Variants in PUDP observed in about 807,000 individuals in gnomAD.
The protein encoded by PUDP is pseudouridine 5'-phosphatase.
In PUDP, 8 loss-of-function variants were observed where a neutral mutation model predicts 9.4. The observed-to-expected ratio is 0.85, with a 90% CI of 0.50 to 1.53. The LOEUF (loss-of-function observed/expected upper bound fraction) is 1.53, where lower values mean the gene tolerates loss of function less well. Among genes scored for constraint, PUDP ranks in the 40% most tolerant of loss-of-function variants. PUDP has a pLI of 0.00. For synonymous variants in PUDP, 99 were observed against 80.7 expected, an observed-to-expected ratio of 1.23 and a Z score of -1.22; for missense variants, 188 against 189.7, an observed-to-expected ratio of 0.99 and a Z score of 0.05.
chrX:6,822,695 T>G (rs1205968232), intron 3 of PUDP, among the ~76,000 whole-genome samples: 11 of 109,974 alleles, frequency 1.0e-4, no homozygotes, highest in South Asian at 3.9e-4. Context: ...AAAGTGTTTT[T>G]TTTTTTTTTT....
At chrX:7,129,563 T>C (rs1290068995) in intron 1 of PUDP, among the ~76,000 whole-genome samples, 1 of 112,163 alleles carries the variant, frequency 8.9e-6, no homozygotes, top group South Asian at 3.7e-4. Context: ...TCTCTGTCTT[T>C]GAGCCCTGAG....
At chrX:6,884,099 C>T (rs1048544057) in intron 3 of PUDP, among the ~76,000 whole-genome samples, 1 of 112,172 alleles carries the variant, frequency 8.9e-6, no homozygotes, top group African/African-American at 3.2e-5. Context: ...CTCAGCCTCC[C>T]AAAGTGCTGG....
intron 3 of PUDP, among the ~76,000 whole-genome samples, chrX:7,066,983 A>G (rs1165865954): frequency 1.8e-5 from 2 of 111,893 alleles, no homozygotes; most frequent in African/African-American, 6.5e-5. Context: ...TTAAAAGGGA[A>G]ATAGTGGACC....
chrX:7,126,502 CTTGCAATTCTGGAGGCTGGAAGTCTAA>C (rs1932490582), intron 1 of PUDP, among the ~76,000 whole-genome samples: 1 of 112,038 alleles, frequency 8.9e-6, no homozygotes, highest in South Asian at 3.7e-4. Context: ...AATTAATTTT[CTTGCAATTCTGGAGGCTGGAAGTCTAA>C]GATCAGAGTC....
intron 3 of PUDP, among the ~76,000 whole-genome samples, chrX:6,823,617 C>T (rs1926379923): frequency 8.9e-6 from 1 of 112,292 alleles, no homozygotes; most frequent in Non-Finnish European, 1.9e-5. Context: ...TCAGGGCAAG[C>T]CCATAGAGTA....
intron 2 of PUDP, among the ~76,000 whole-genome samples, chrX:7,080,122 C>T: frequency 8.9e-6 from 1 of 111,939 alleles, no homozygotes; most frequent in South Asian, 3.7e-4. Context: ...AATGTACTAA[C>T]ATTAGCAGGG....
chrX:6,891,006 A>G (rs890549839), intron 3 of PUDP, among the ~76,000 whole-genome samples: 1 of 105,734 alleles, frequency 9.5e-6, no homozygotes, highest in Non-Finnish European at 1.9e-5. Context: ...TATCCTAGCT[A>G]CTCAGGAGGT....
At chrX:6,824,061 C>T (rs1926387336) in intron 3 of PUDP, among the ~76,000 whole-genome samples, 1 of 109,393 alleles carries the variant, frequency 9.1e-6, no homozygotes, top group African/African-American at 3.3e-5. Context: ...ACATAAATCT[C>T]ATCTTGAATA....
chrX:7,028,934 TC>T (rs1166316930), intron 1 of PUDP, among the ~76,000 whole-genome samples: 2 of 111,303 alleles, frequency 1.8e-5, no homozygotes, highest in Non-Finnish European at 3.8e-5. Context: ...CACATGGTGT[TC>T]CCTCTCTGTG....
intron 3 of PUDP, among the ~76,000 whole-genome samples, chrX:6,934,132 C>T (rs1435765242): frequency 2.9e-5 from 3 of 104,693 alleles, no homozygotes; most frequent in Non-Finnish European, 3.9e-5. Context: ...ATACAGAGAA[C>T]GCCACAAAGA....
chrX:7,031,515 C>T (rs1452391303), intron 1 of PUDP, among the ~76,000 whole-genome samples: 1 of 111,990 alleles, frequency 8.9e-6, no homozygotes, highest in Non-Finnish European at 1.9e-5. Context: ...TTTAAAGCCA[C>T]AAGGACAGCC....
chrX:6,864,575 C>T (rs1927050877), intron 3 of PUDP, among the ~76,000 whole-genome samples: 1 of 111,662 alleles, frequency 9.0e-6, no homozygotes, highest in South Asian at 3.8e-4. Context: ...ATTTCTCATC[C>T]CACAGTTCTG....
intron 1 of PUDP, among the ~76,000 whole-genome samples, chrX:7,020,581 C>T (rs186311850): frequency 6.3e-5 from 7 of 111,664 alleles, no homozygotes; most frequent in East Asian, 2.8e-4. Context: ...CTGTAATACA[C>T]GCACAACCAC....
chrX:6,706,176 A>C (rs1275274240), intron 2 of PUDP, among the ~76,000 whole-genome samples: 2 of 112,533 alleles, frequency 1.8e-5, no homozygotes, highest in Non-Finnish European at 3.7e-5. Flanking sequence ...GGGCTGGGGA[A>C]GTGGGAAAGG....
At chrX:7,122,378 G>A (rs181778748) in intron 1 of PUDP, among the ~76,000 whole-genome samples, 4 of 111,521 alleles carry the variant, frequency 3.6e-5, no homozygotes, top group Non-Finnish European at 7.5e-5. Context: ...TAGATGACCA[G>A]TGCAAAAAGA....
chrX:6,918,995 T>C (rs1927977736), intron 3 of PUDP, among the ~76,000 whole-genome samples: 1 of 112,239 alleles, frequency 8.9e-6, no homozygotes, highest in South Asian at 3.7e-4. Flanking sequence ...CGTTCATGTC[T>C]CCATTAATTC....
chrX:7,072,826 A>C (rs1366337686), intron 3 of PUDP, among the ~76,000 whole-genome samples: 3 of 109,666 alleles, frequency 2.7e-5, no homozygotes, highest in African/African-American at 6.6e-5. Context: ...AAAAAAAAAA[A>C]AAAAACAAAA....
rs547900649 is a variant in PUDP at position 7,105,197 on chromosome X, C to T, written c.280+423G>A. On this transcript the variant is annotated intron_variant, in intron 2 of 3. Transcript: ENST00000381077. ...TTACTTTTTTTTTTTTTTAATTAAG[C>T]GTCTTTGGGGAGATTTAGCTGCTTA... is the stretch of plus-strand genomic sequence containing the variant. Among the ~76,000 whole-genome samples the T allele has an allele frequency of 4.9e-4, 52 of 106,955 alleles. No individual in the cohort carries two copies. In the South Asian group the frequency reaches 0.018, roughly 38 times the overall value. The allele number at this position is 106,955 out of a possible 115,157, so 92.9% of individuals were successfully genotyped here.
intron 3 of PUDP, among the ~76,000 whole-genome samples, chrX:6,736,413 C>T (rs371425706): frequency 9.4e-4 from 105 of 111,942 alleles, no homozygotes; most frequent in African/African-American, 3.2e-3. Context: ...ATGAAAAATG[C>T]AATTATGGAT....
Sources: gnomAD v4.1 joint callset for allele counts (sites outside exome capture counted in the v4.1 genomes callset) on GRCh38, gnomAD v4.1.1 for gene constraint, MANE v1.5 for transcripts, NCBI Gene and HGNC (gene_info 2026-07-23, HGNC 2026-07-21) for gene names.